The following MPPED2 variants were observed in gnomAD, a reference collection of about 807,000 sequenced individuals.
MPPED2 encodes metallophosphoesterase MPPED2.
A neutral mutation model predicts 33.0 loss-of-function variants in MPPED2; 5 were observed. The observed-to-expected ratio is 0.15, with a 90% CI of 0.08 to 0.32. MPPED2 has a LOEUF of 0.32. Ranked by LOEUF, MPPED2 falls within the 10% of genes least tolerant of loss-of-function variation. The pLI, the probability that MPPED2 is intolerant of heterozygous loss-of-function variation, is 1.00. For synonymous variants in MPPED2, 136 were observed against 141.9 expected, an observed-to-expected ratio of 0.96 and a Z score of 0.29; for missense variants, 275 against 372.1, an observed-to-expected ratio of 0.74 and a Z score of 2.15.
intron 1 of MPPED2, chr11:30,584,355 C>CACACAA (rs1201313964): frequency 6.6e-6 from 1 of 151,340 alleles, no homozygotes; most frequent in African/African-American, 2.5e-5. Context: ...CACACACACA[C>CACACAA]ACACACACAC....
At position 30,502,691 on chromosome 11, in the gene MPPED2, A is replaced by C. The variant is rs561712937; in HGVS notation, c.311-7170T>G. Among the ~76,000 whole-genome samples, 4 of 152,292 alleles carry C rather than the reference A, an allele frequency of 2.6e-5. 1 individual carries two copies. The highest frequency in any genetic ancestry group is 4.8e-5 in the African/African-American group (2 of 41,556). On this transcript the variant is annotated intron_variant, in intron 3 of 6. Transcript: ENST00000358117. ...ATTCAAACACCTACATGGACTAGGGAGGTAAAGAAACAATGTGAATTGAGC... is the reference window on the plus strand; with the variant it reads ...ATTCAAACACCTACATGGACTAGGGCGGTAAAGAAACAATGTGAATTGAGC...
intron 4 of MPPED2, among the ~76,000 whole-genome samples, chr11:30,481,012 G>T (rs529051217): frequency 1.3e-5 from 2 of 152,204 alleles, no homozygotes; most frequent in South Asian, 4.1e-4. Context: ...AGGTCATTTG[G>T]CACAAGGGAG....
At chr11:30,537,598 T>C (rs1954882481) in intron 2 of MPPED2, among the ~76,000 whole-genome samples, 2 of 152,154 alleles carry the variant, frequency 1.3e-5, no homozygotes, top group Admixed American at 1.3e-4. Context: ...ATTTCTTCAA[T>C]GACTAACCTT....
intron 2 of MPPED2, among the ~76,000 whole-genome samples, chr11:30,564,996 G>C (rs958076388): frequency 1.3e-5 from 2 of 152,058 alleles, no homozygotes; most frequent in Non-Finnish European, 2.9e-5. Context: ...AGTTATATAT[G>C]ACATCCTCCA....
At chr11:30,402,569 G>C (rs950521886) in intron 6 of MPPED2, among the ~76,000 whole-genome samples, 4 of 152,168 alleles carry the variant, frequency 2.6e-5, no homozygotes, top group African/African-American at 9.7e-5. Context: ...TTTTGAGAAA[G>C]ATAGTGATCA....
intron 3 of MPPED2, among the ~76,000 whole-genome samples, chr11:30,500,909 T>C (rs1206227092): frequency 6.6e-6 from 1 of 152,236 alleles, no homozygotes; most frequent in Non-Finnish European, 1.5e-5. Context: ...GGTTGTCATC[T>C]TGGGCTATGG....
intron 4 of MPPED2, among the ~76,000 whole-genome samples, chr11:30,433,319 A>G (rs1275955325): frequency 6.6e-6 from 1 of 152,218 alleles, no homozygotes; most frequent in Non-Finnish European, 1.5e-5. Flanking sequence ...ATCCTGTTCT[A>G]AACATATTGG....
At chr11:30,530,189 C>T (rs1954437966) in intron 3 of MPPED2, among the ~76,000 whole-genome samples, 1 of 152,126 alleles carries the variant, frequency 6.6e-6, no homozygotes, top group Non-Finnish European at 1.5e-5. Context: ...TCAACAACAA[C>T]AGCCAATGGG....
intron 2 of MPPED2, among the ~76,000 whole-genome samples, chr11:30,550,117 G>A (rs537307632): frequency 3.3e-5 from 5 of 152,270 alleles, no homozygotes; most frequent in South Asian, 2.1e-4. Flanking sequence ...AGCAGTCCTC[G>A]CTGATAGATT....
intron 3 of MPPED2, among the ~76,000 whole-genome samples, chr11:30,514,698 C>T (rs1395461136): frequency 6.6e-6 from 1 of 152,174 alleles, no homozygotes; most frequent in Non-Finnish European, 1.5e-5. Context: ...ATTTGATTTG[C>T]TGCCTCTGGC....
At chr11:30,526,987 T>A (rs937234208) in intron 3 of MPPED2, among the ~76,000 whole-genome samples, 2 of 151,740 alleles carry the variant, frequency 1.3e-5, no homozygotes, top group Non-Finnish European at 2.9e-5. Flanking sequence ...TGCAGTGGCG[T>A]GATCTCGGCT....
chr11:30,500,025 T>TA (rs533397258), intron 3 of MPPED2, among the ~76,000 whole-genome samples: 18 of 152,300 alleles, frequency 1.2e-4, no homozygotes, highest in Non-Finnish European at 2.6e-4. Context: ...ACAGCCCACT[T>TA]ACCACATTTG....
At chr11:30,390,243 T>C (rs913852143) in intron 6 of MPPED2, among the ~76,000 whole-genome samples, 3 of 152,232 alleles carry the variant, frequency 2.0e-5, no homozygotes, top group African/African-American at 7.2e-5. Context: ...AGATAGTGAT[T>C]GACTCCCCTC....
downstream of MPPED2, among the ~76,000 whole-genome samples, chr11:30,409,920 C>A (rs1290169490): frequency 6.6e-6 from 1 of 152,028 alleles, no homozygotes; most frequent in Non-Finnish European, 1.5e-5. Context: ...CACAAACTTG[C>A]CCAAAATAAA....
intron 6 of MPPED2, among the ~76,000 whole-genome samples, chr11:30,396,246 G>C (rs1484838243): frequency 3.3e-5 from 5 of 152,088 alleles, no homozygotes; most frequent in Non-Finnish European, 5.9e-5. Flanking sequence ...GGAGCAACTT[G>C]ACCCCTCAGA....
chr11:30,546,047 T>G (rs1955408419), intron 2 of MPPED2, among the ~76,000 whole-genome samples: 1 of 152,154 alleles, frequency 6.6e-6, no homozygotes, highest in Non-Finnish European at 1.5e-5. Context: ...CTCGAACTCC[T>G]GACCTCTGGT....
chr11:30,388,778 C>A, exon 7 of MPPED2: 1 of 1,308,210 alleles, frequency 7.6e-7, no homozygotes, highest in South Asian at 2.1e-5. Context: ...GAGGCATCTT[C>A]CTTCCTTCCT....
At chr11:30,454,924 T>C (rs1353552127) in intron 4 of MPPED2, among the ~76,000 whole-genome samples, 1 of 152,214 alleles carries the variant, frequency 6.6e-6, no homozygotes, top group Non-Finnish European at 1.5e-5. Flanking sequence ...TAGTTGTCAG[T>C]GCCAAAGGGT....
chr11:30,469,940 T>C (rs1424131987), intron 4 of MPPED2, among the ~76,000 whole-genome samples: 2 of 152,126 alleles, frequency 1.3e-5, no homozygotes, highest in Non-Finnish European at 2.9e-5. Context: ...CCCAGAGAAC[T>C]CCATGGAGAG....
Sources: allele counts gnomAD v4.1 joint callset (sites outside exome capture counted in the v4.1 genomes callset), GRCh38; gene constraint gnomAD v4.1.1; transcripts MANE v1.5; gene names NCBI Gene and HGNC (gene_info 2026-07-23, HGNC 2026-07-21).